Variants in CLNK observed in about 807,000 individuals in gnomAD.
CLNK encodes the protein cytokine-dependent hematopoietic cell linker.
A neutral mutation model predicts 68.6 loss-of-function variants in CLNK; 74 were observed. The observed-to-expected ratio is 1.08, with a 90% CI of 0.89 to 1.31. The LOEUF (loss-of-function observed/expected upper bound fraction) is 1.31, where lower values mean the gene tolerates loss of function less well. Among genes scored for constraint, CLNK ranks in the 50% most tolerant of loss-of-function variants. CLNK has a pLI of 0.00. For synonymous variants in CLNK, 198 were observed against 172.2 expected (o/e 1.15, Z -1.17); for missense variants, 553 against 515.3 (o/e 1.07, Z -0.71).
chr4:10,611,042 G>T (rs1047715377), intron 2 of CLNK, among the ~76,000 whole-genome samples: 2 of 152,176 alleles, frequency 1.3e-5, no homozygotes, highest in African/African-American at 4.8e-5. Context: ...AAATTAGGCT[G>T]GGCGCAGTGG....
At position 10,668,593 on chromosome 4, in the gene CLNK, G is replaced by T. The variant is rs930842914; in HGVS notation, c.-42-682C>A. On this transcript the variant is annotated intron_variant, in intron 1 of 18. Transcript: ENST00000226951. ...AGCTTAATAAAGAGACCATTTAAAA[G>T]GTGTGGGCAGGGTAGAAGGAATCCA... Among the ~76,000 whole-genome samples the T allele has an allele frequency of 2.6e-5, 4 of 152,168 alleles. No homozygotes were observed. In the East Asian group the frequency reaches 5.8e-4, roughly 22 times the overall value.
At chr4:10,492,533 T>G (rs961349494) in intron 18 of CLNK, among the ~76,000 whole-genome samples, 4 of 152,214 alleles carry the variant, frequency 2.6e-5, no homozygotes, top group South Asian at 2.1e-4. Context: ...TAGAGCTATG[T>G]GCTGTGAAAA....
chr4:10,521,792 G>A (rs1014229490), intron 14 of CLNK, among the ~76,000 whole-genome samples: 7 of 152,122 alleles, frequency 4.6e-5, no homozygotes, highest in African/African-American at 1.7e-4. Context: ...AGCAGCCAGT[G>A]TACAATTCTG....
chr4:10,640,785 A>T (rs1723279262), intron 2 of CLNK, among the ~76,000 whole-genome samples: 1 of 152,234 alleles, frequency 6.6e-6, no homozygotes, highest in Non-Finnish European at 1.5e-5. Context: ...TTCCTTGCCC[A>T]GGAACTGTCC....
intron 2 of CLNK, among the ~76,000 whole-genome samples, chr4:10,633,811 C>A (rs748919099): frequency 8.5e-5 from 13 of 152,230 alleles, no homozygotes; most frequent in Non-Finnish European, 1.6e-4. Flanking sequence ...TTGTTATGCA[C>A]TTTCACATAC....
chr4:10,726,332 G>A, the CLNK span, among the ~76,000 whole-genome samples: 1 of 152,184 alleles, frequency 6.6e-6, no homozygotes, highest in African/African-American at 2.4e-5. Flanking sequence ...TGTTGGCCAG[G>A]ATGGTCTCGA....
intron 9 of CLNK, 67 bp downstream of exon 9, chr4:10,542,188 T>A: frequency 8.4e-7 from 1 of 1,192,482 alleles, no homozygotes; most frequent in Non-Finnish European, 1.2e-6. Context: ...AGTTTTTGCA[T>A]CATCTATATC....
At chr4:10,709,727 CA>C in the CLNK span, among the ~76,000 whole-genome samples, 6 of 152,260 alleles carry the variant, frequency 3.9e-5, no homozygotes, top group Non-Finnish European at 8.8e-5. Context: ...CAGGACTGCA[CA>C]CTTTTCTTAG....
At chr4:10,642,610 A>T (rs773238958) in intron 2 of CLNK, among the ~76,000 whole-genome samples, 2 of 152,152 alleles carry the variant, frequency 1.3e-5, no homozygotes, top group African/African-American at 2.4e-5. Flanking sequence ...ACCTGTATGC[A>T]TGTGGGTAAG....
the CLNK span, among the ~76,000 whole-genome samples, chr4:10,725,314 A>G: frequency 1.3e-5 from 2 of 152,150 alleles, no homozygotes; most frequent in East Asian, 3.9e-4. Flanking sequence ...TCTTTGCATT[A>G]TCATTTGTTA....
chr4:10,542,658 G>A (rs55817722), intron 8 of CLNK, among the ~76,000 whole-genome samples: 71,486 of 123,450 alleles, frequency 0.58, 19,867 homozygotes, highest in Non-Finnish European at 0.67. Context: ...GTGTGTGTAT[G>A]TGTGTGTGTG....
intron 4 of CLNK, among the ~76,000 whole-genome samples, chr4:10,582,235 G>A (rs1173306615): frequency 2.0e-5 from 3 of 152,072 alleles, no homozygotes; most frequent in African/African-American, 7.2e-5. Context: ...ATTAATACAG[G>A]CATTGCAGCA....
chr4:10,592,001 C>T (rs1721194229), intron 3 of CLNK, among the ~76,000 whole-genome samples: 1 of 152,168 alleles, frequency 6.6e-6, no homozygotes, highest in Admixed American at 6.5e-5. Context: ...GCTCATACAC[C>T]CAAGACCCTC....
chr4:10,656,578 C>T (rs1723998832), intron 2 of CLNK: 1 of 152,102 alleles, frequency 6.6e-6, no homozygotes. Flanking sequence ...CATGAAGTAA[C>T]TGGGTCACAT....
chr4:10,553,055 G>GT (rs1436019956), intron 8 of CLNK, among the ~76,000 whole-genome samples: 1 of 151,968 alleles, frequency 6.6e-6, no homozygotes, highest in East Asian at 1.9e-4. Context: ...AAGAGGAGGG[G>GT]GGGGCATGCA....
At chr4:10,680,776 C>A (rs1725067605) in intron 1 of CLNK, among the ~76,000 whole-genome samples, 2 of 152,086 alleles carry the variant, frequency 1.3e-5, no homozygotes. Context: ...AGTTAAATAA[C>A]TTGTCTAAAA....
chr4:10,656,058 A>T (rs973865799), intron 2 of CLNK, among the ~76,000 whole-genome samples: 1 of 152,100 alleles, frequency 6.6e-6, no homozygotes, highest in Non-Finnish European at 1.5e-5. Flanking sequence ...AAATTAATCA[A>T]TTGCAGGCTA....
intron 2 of CLNK, among the ~76,000 whole-genome samples, chr4:10,644,972 C>T (rs1723454965): frequency 6.6e-6 from 1 of 152,178 alleles, no homozygotes; most frequent in Admixed American, 6.5e-5. Context: ...TAGAAGATCC[C>T]AGTTCATAGC....
chr4:10,575,141 C>A (rs976345113), intron 4 of CLNK, among the ~76,000 whole-genome samples: 14 of 152,186 alleles, frequency 9.2e-5, no homozygotes, highest in African/African-American at 2.9e-4. Context: ...CAGTCTCTCC[C>A]GTACTGCACT....
Sources: gnomAD v4.1 joint callset for allele counts (sites outside exome capture counted in the v4.1 genomes callset) on GRCh38, gnomAD v4.1.1 for gene constraint, MANE v1.5 for transcripts, NCBI Gene and HGNC (gene_info 2026-07-23, HGNC 2026-07-21) for gene names.